Variants in CDC42EP5 observed in about 807,000 individuals in gnomAD.
CDC42EP5 encodes the protein CDC42 effector protein 5.
For missense variants in CDC42EP5, 269 were observed against 238.0 expected, an observed-to-expected ratio of 1.13 and a Z score of -0.86; for synonymous variants, 118 against 123.3, an observed-to-expected ratio of 0.96 and a Z score of 0.28.
chr19:54,467,358 C>T (rs2084768640), intron 2 of CDC42EP5, among the ~76,000 whole-genome samples: 1 of 149,760 alleles, frequency 6.7e-6, no homozygotes, highest in African/African-American at 2.4e-5. Flanking sequence ...GAGGCTGAGG[C>T]AGGAGAATCG....
At chr19:54,466,872 G>A (rs1164804035) in intron 2 of CDC42EP5, among the ~76,000 whole-genome samples, 1 of 151,310 alleles carries the variant, frequency 6.6e-6, no homozygotes, top group Non-Finnish European at 1.5e-5. Context: ...GCATATTTGG[G>A]TATCCATAGG....
At chr19:54,465,617 C>T in intron 2 of CDC42EP5, 70 bp from the exon 3 acceptor site, 10 of 1,348,900 alleles carry the variant, frequency 7.4e-6, no homozygotes, top group Non-Finnish European at 9.5e-6. Flanking sequence ...GCTCAAAGGA[C>T]GATGGGGGAC....
At chr19:54,472,539 A>C (rs1376117320) in intron 1 of CDC42EP5, among the ~76,000 whole-genome samples, 1 of 45,932 alleles carries the variant, frequency 2.2e-5, no homozygotes, top group South Asian at 1.4e-3. Flanking sequence ...CCCAGGAGTC[A>C]AGATCCCCCC....
chr19:54,465,758 C>T (rs1475769062), intron 2 of CDC42EP5, among the ~76,000 whole-genome samples: 1 of 152,166 alleles, frequency 6.6e-6, no homozygotes, highest in African/African-American at 2.4e-5. Context: ...TCCTCAGTCT[C>T]CCGAGTAGCT....
chr19:54,472,496 G>A (rs2084857322), intron 1 of CDC42EP5, among the ~76,000 whole-genome samples: 1 of 74,646 alleles, frequency 1.3e-5, no homozygotes, highest in Non-Finnish European at 2.5e-5. Context: ...AGACCCAGGA[G>A]TCCAGACCTC....
chr19:54,466,308 T>G (rs900960748), intron 2 of CDC42EP5, among the ~76,000 whole-genome samples: 2 of 152,094 alleles, frequency 1.3e-5, no homozygotes, highest in Non-Finnish European at 2.9e-5. Flanking sequence ...CGGGGCATGG[T>G]GGCGCATGCC....
chr19:54,468,888 A>ATTGATTCC (rs2084790694), intron 2 of CDC42EP5, among the ~76,000 whole-genome samples: 1 of 116,286 alleles, frequency 8.6e-6, no homozygotes, highest in African/African-American at 3.2e-5. Flanking sequence ...AGATACTCTG[A>ATTGATTCC]TTCCTTCCTT....
intron 2 of CDC42EP5, among the ~76,000 whole-genome samples, chr19:54,467,192 T>C (rs556841915): frequency 6.6e-6 from 1 of 150,772 alleles, no homozygotes; most frequent in Non-Finnish European, 1.5e-5. Flanking sequence ...CTCACACCTG[T>C]AATCCCAGCA....
rs549195475 is a variant in CDC42EP5, at chr19:54,465,126, T to C, written c.422A>G (p.Glu141Gly). The stretch of plus-strand genomic sequence containing the variant: ...CTAGAGGCCGATGACGTCGTTCAGC[T>C]CGAGGTCCGCGTTGGGGCGGCAGCG... Reference protein sequence around the residue: ...QARCRPNADLELNDVIGL With the variant: ...QARCRPNADLGLNDVIGL The change falls in exon 3 of 3, where the codon GAG becomes GGG. Residue 141 changes from glutamate to glycine, a missense_variant. Glu to Gly is a moderately conservative substitution (Grantham distance 98). Transcript: ENST00000301200. 2.9e-6 allele frequency: 4 copies of C among 1,387,204 alleles called. No homozygotes were observed. Among genetic ancestry groups the C allele is most frequent in the South Asian group, 3.4e-5 (2 of 59,494 alleles). 85.9% of individuals were successfully genotyped at this position (1,387,204 alleles called of 1,614,324 possible).
intron 2 of CDC42EP5, among the ~76,000 whole-genome samples, chr19:54,469,662 A>T (rs2084808494): frequency 6.6e-6 from 1 of 152,230 alleles, no homozygotes; most frequent in Non-Finnish European, 1.5e-5. Flanking sequence ...CGCACAGGGA[A>T]TGTTCAATTA....
In CDC42EP5 at chr19:54,465,433, C is replaced by A; in HGVS notation, c.115G>T (p.Gly39Cys). ...DFRHTLHVGR[G>C]GDAFGDTSFL... ...GAGGTGTCCCCGAAGGCGTCGCCGC[C>A]GCGCCCCACGTGCAGCGTGTGCCGG... Residue 39 changes from glycine to cysteine, a missense_variant, in exon 3 of 3, where the codon GGC becomes TGC. Gly to Cys is a radical substitution (Grantham distance 159). Transcript: ENST00000301200. 1 of 1,487,928 alleles carries A rather than the reference C, an allele frequency of 6.7e-7. No homozygotes were observed. 92.2% of individuals were successfully genotyped at this position (1,487,928 alleles called of 1,614,324 possible).
At chr19:54,467,783 A>G (rs1022228638) in intron 2 of CDC42EP5, among the ~76,000 whole-genome samples, 31 of 152,192 alleles carry the variant, frequency 2.0e-4, no homozygotes, top group African/African-American at 6.8e-4. Flanking sequence ...TTGGCCTCCC[A>G]AAGTGTTGGG....
Position 54,465,525 on chromosome 19 carries a change from C to A in CDC42EP5, c.23G>T (p.Gly8Val). The change falls in exon 3 of 3, where the codon GGC (glycine) becomes GTC (valine). Residue 8 changes from glycine (G) to valine (V), a missense_variant. By Grantham distance (109) the Gly-to-Val change is moderately radical. Coordinates refer to ENST00000301200, the MANE Select transcript of CDC42EP5 (RefSeq NM_145057.4). ...AGGCCGCTTCTTGGGCTGCGCGGGGCCCAGCTGCTTCAGCACGGGCATCTG... is the reference window on the plus strand; with the variant it reads ...AGGCCGCTTCTTGGGCTGCGCGGGGACCAGCTGCTTCAGCACGGGCATCTG... MPVLKQLGPAQPKKRPDR... is the reference protein window; with the variant it reads MPVLKQLVPAQPKKRPDR... The A allele has an allele frequency of 6.5e-7, 1 of 1,536,064 alleles. No homozygotes were observed. Among genetic ancestry groups the A allele is most frequent in the Non-Finnish European group, 8.7e-7 (1 of 1,153,438 alleles).
At chr19:54,465,697 G>A (rs375600204) in intron 2 of CDC42EP5, 150 bp from the exon 3 acceptor site, 38 of 1,012,412 alleles carry the variant, frequency 3.8e-5, no homozygotes, top group African/African-American at 2.6e-4. Context: ...GTTCAATGGC[G>A]CCATCCCGGC....
chr19:54,469,124 A>C (rs1002993963), intron 2 of CDC42EP5, among the ~76,000 whole-genome samples: 1 of 151,584 alleles, frequency 6.6e-6, no homozygotes, highest in African/African-American at 2.4e-5. Context: ...CCTCCCGAGT[A>C]GCTGGGATTA....
chr19:54,468,318 G>A (rs1338463888), intron 2 of CDC42EP5, among the ~76,000 whole-genome samples: 2 of 150,774 alleles, frequency 1.3e-5, no homozygotes, highest in Admixed American at 1.3e-4. Flanking sequence ...TAAAATAATT[G>A]TAGATGGCTA....
Position 54,465,206 on chromosome 19 carries a change from C to A in CDC42EP5, c.342G>T (p.Ala114=). ...LGVMDAARPE[A]AAAKPDAEPR... ...GTTCCGCGTCGGGCTTGGCGGCAGC[C>A]GCCTCCGGGCGCGCCGCGTCCATGA... Residue 114 remains alanine, a synonymous_variant, in exon 3 of 3, where the codon GCG becomes GCT. Coordinates refer to ENST00000301200, the MANE Select transcript of CDC42EP5 (RefSeq NM_145057.4). 1 of 1,437,080 alleles carries A rather than the reference C, an allele frequency of 7.0e-7. No individual in the cohort carries two copies. Among genetic ancestry groups the A allele is most frequent in the East Asian group, 3.0e-5 (1 of 33,112 alleles). 89.0% of individuals were successfully genotyped at this position (1,437,080 alleles called of 1,614,324 possible). A position where few individuals can be genotyped will look rare whatever the true frequency, so the allele number is the denominator to read the frequency against.
chr19:54,465,385 C>A lies in CDC42EP5; in HGVS notation c.163G>T (p.Gly55Trp). 8.4e-7 allele frequency: 1 copy of A among 1,190,112 alleles called. No individual in the cohort carries two copies. The highest frequency in any genetic ancestry group is 1.0e-6 in the Non-Finnish European group (1 of 959,122). 73.7% of individuals were successfully genotyped at this position (1,190,112 alleles called of 1,614,324 possible). A position where few individuals can be genotyped will look rare whatever the true frequency, so the allele number is the denominator to read the frequency against. The stretch of plus-strand genomic sequence containing the variant: ...GGCGCCCGGGGCTCGGGGGGCGGCC[C>A]GCCGCCGTGGCGGCTCAGGAACGAG... ...DTSFLSRHGG[G>W]PPPEPRAPPA... The change falls in exon 3 of 3, where the codon GGG becomes TGG. Residue 55 changes from glycine (G) to tryptophan (W), a missense_variant. Physicochemically the swap from Gly to Trp is radical, Grantham distance 184. Coordinates refer to ENST00000301200, the MANE Select transcript of CDC42EP5 (RefSeq NM_145057.4).
At chr19:54,467,443 ACT>A (rs2084770260) in intron 2 of CDC42EP5, among the ~76,000 whole-genome samples, 1 of 150,894 alleles carries the variant, frequency 6.6e-6, no homozygotes, top group African/African-American at 2.4e-5. Flanking sequence ...ACAGAGTATG[ACT>A]CTGTCTCAAA....
Sources: allele counts gnomAD v4.1 joint callset (sites outside exome capture counted in the v4.1 genomes callset), GRCh38; gene constraint gnomAD v4.1.1; transcripts MANE v1.5; gene names NCBI Gene and HGNC (gene_info 2026-07-23, HGNC 2026-07-21).